CEP135: variants seen among roughly 807,000 people sequenced by gnomAD.
CEP135 encodes centrosomal protein of 135 kDa.
CEP135 carries 142 observed loss-of-function variants against 157.3 expected under a neutral mutation model. That is an observed-to-expected ratio of 0.90 (90% CI 0.79 to 1.04). The LOEUF is 1.04. Ranked by LOEUF, CEP135 falls within the 50% of genes least tolerant of loss-of-function variation. CEP135 has a pLI of 0.00. For synonymous variants in CEP135, 396 were observed against 439.8 expected (o/e 0.90, Z 1.25); for missense variants, 1,317 against 1,309.2 (o/e 1.01, Z -0.09).
intron 22 of CEP135, 109 bp downstream of exon 22, chr4:56,017,966 T>G (rs958196884): frequency 2.0e-6 from 2 of 978,112 alleles, no homozygotes; most frequent in African/African-American, 3.3e-5. Context: ...TTAGAGTAGT[T>G]ACTTTTTTTT....
intron 15 of CEP135, among the ~76,000 whole-genome samples, chr4:55,997,567 G>C (rs1033861710): frequency 6.6e-6 from 1 of 152,202 alleles, no homozygotes; most frequent in East Asian, 1.9e-4. Context: ...CTTTCACGTA[G>C]AGGAGGTTGG....
intron 25 of CEP135, among the ~76,000 whole-genome samples, chr4:56,028,370 A>G (rs1731223437): frequency 1.3e-5 from 2 of 152,186 alleles, no homozygotes; most frequent in Admixed American, 1.3e-4. Context: ...CCACATCGTC[A>G]CCAACACTTG....
chr4:56,013,053 A>G (rs577798220), intron 21 of CEP135, among the ~76,000 whole-genome samples: 2 of 152,206 alleles, frequency 1.3e-5, no homozygotes, highest in East Asian at 3.9e-4. Context: ...CCTTGCCAAC[A>G]CTTGTAATTT....
intron 17 of CEP135, among the ~76,000 whole-genome samples, chr4:56,002,472 A>T (rs1023473099): frequency 6.6e-6 from 1 of 152,114 alleles, no homozygotes; most frequent in Non-Finnish European, 1.5e-5. Flanking sequence ...ATGCTTTTTC[A>T]GCATCTATTG....
intron 21 of CEP135, among the ~76,000 whole-genome samples, chr4:56,016,251 C>G (rs914150178): frequency 3.9e-5 from 6 of 152,190 alleles, no homozygotes; most frequent in Admixed American, 3.9e-4. Context: ...CTGCTAACAC[C>G]CACATTTTGG....
At chr4:56,012,275 C>G (rs143294390) in intron 21 of CEP135, among the ~76,000 whole-genome samples, 7 of 152,098 alleles carry the variant, frequency 4.6e-5, no homozygotes, top group African/African-American at 1.4e-4. Context: ...AGGCTGCTCT[C>G]GAACTCCTGA....
chr4:55,980,380 A>C, intron 12 of CEP135, 85 bp downstream of exon 12: 1 of 776,786 alleles, frequency 1.3e-6, no homozygotes, highest in Non-Finnish European at 2.0e-6. Flanking sequence ...TCACATTACT[A>C]TAATATATGG....
At chr4:56,024,866 G>C (rs551606312) in intron 25 of CEP135, among the ~76,000 whole-genome samples, 174 of 151,090 alleles carry the variant, frequency 1.2e-3, no homozygotes, top group Admixed American at 2.1e-3. Context: ...GCCAGACACA[G>C]TGGCCCACAC....
chr4:56,006,358 C>T (rs1439527028), intron 17 of CEP135, among the ~76,000 whole-genome samples: 1 of 152,144 alleles, frequency 6.6e-6, no homozygotes, highest in East Asian at 1.9e-4. Flanking sequence ...GATCCATTCT[C>T]CTGTTGAGAT....
rs551932369 is a variant in CEP135 at position 56,020,712 on chromosome 4, T to C, written c.3252T>C (p.Ala1084=). 1 of 1,613,772 alleles carries C rather than the reference T, an allele frequency of 6.2e-7. No homozygotes were observed. The highest frequency in any genetic ancestry group is 1.1e-5 in the South Asian group (1 of 91,040). Residue 1084 remains alanine (A), a synonymous_variant, in exon 24 of 26, where the codon GCT becomes GCC. Coordinates refer to ENST00000257287, the MANE Select transcript of CEP135 (RefSeq NM_025009.5). ...SQSRENTMLR[A]KVAQLQTDYD... is the part of the protein sequence containing the mutation. Reference sequence around the variant, plus strand: ...GCCGGGAAAACACCATGCTTCGAGCTAAAGTGGCACAGTTACAAACAGATT... The same window carrying C: ...GCCGGGAAAACACCATGCTTCGAGCCAAAGTGGCACAGTTACAAACAGATT...
Position 55,999,627 on chromosome 4 carries a change from A to G in CEP135, c.2262A>G (p.Gln754=), listed in dbSNP as rs145329150. ...AGACAGAAAAGATTGCAAATTTGCA[A>G]GAAAACCTAGCTAATAAAGTATGTG... is the stretch of plus-strand genomic sequence containing the variant. ...DEKTEKIANL[Q]ENLANKEKAV... Residue 754 remains glutamine (Q), a synonymous_variant, in exon 17 of 26, where the codon CAA becomes CAG. Transcript: ENST00000257287. 1 of 1,592,330 alleles carries G rather than the reference A, an allele frequency of 6.3e-7. No homozygotes were observed. Among genetic ancestry groups the G allele is most frequent in the African/African-American group, 1.4e-5 (1 of 73,318 alleles).
chr4:55,955,014 G>A (rs1430329987), intron 4 of CEP135, among the ~76,000 whole-genome samples: 3 of 152,068 alleles, frequency 2.0e-5, no homozygotes, highest in Non-Finnish European at 4.4e-5. Context: ...CTGGGAGGCG[G>A]AGGTTGCAGT....
intron 10 of CEP135, among the ~76,000 whole-genome samples, chr4:55,974,269 A>G (rs1435087147): frequency 2.6e-5 from 4 of 152,230 alleles, no homozygotes; most frequent in African/African-American, 7.2e-5. Context: ...GTATTTGATT[A>G]CTTTTGACTC....
At chr4:56,018,692 C>G (rs28376464) in intron 22 of CEP135, among the ~76,000 whole-genome samples, 1 of 151,732 alleles carries the variant, frequency 6.6e-6, no homozygotes, top group Non-Finnish European at 1.5e-5. Context: ...CCCAGGATGT[C>G]GAGGCCGCAG....
Position 56,019,358 on chromosome 4 carries a change from G to A in CEP135, c.3018G>A (p.Val1006=). 6.2e-7 allele frequency: 1 copy of A among 1,608,652 alleles called. No homozygotes were observed. Residue 1006 remains valine (V), a synonymous_variant, in exon 23 of 26, where the codon GTG becomes GTA. Coordinates refer to ENST00000257287, the MANE Select transcript of CEP135 (RefSeq NM_025009.5). ...TTACTTTGTTTTTCACGTAGGTTGT[G>A]GTGGAATTAGAAAATGTAAAGTCAG... ...NSKNLEFERV[V]VELENVKSES...
At chr4:55,999,247 C>T (rs941123645) in intron 15 of CEP135, 55 bp from the exon 16 acceptor site, 72 of 1,302,438 alleles carry the variant, frequency 5.5e-5, no homozygotes, top group Admixed American at 1.1e-4. Flanking sequence ...ATTTTTTAAA[C>T]GTATTTCTAT....
chr4:56,019,621 G>C (rs1730903609), intron 23 of CEP135, 66 bp downstream of exon 23: 1 of 1,316,368 alleles, frequency 7.6e-7, no homozygotes, highest in Non-Finnish European at 1.1e-6. Context: ...TAATTTTTTT[G>C]AAGTGGAGGA....
intron 17 of CEP135, among the ~76,000 whole-genome samples, chr4:56,007,811 C>T (rs560370315): frequency 3.9e-5 from 6 of 152,112 alleles, no homozygotes; most frequent in African/African-American, 7.2e-5. Flanking sequence ...AGGTTTTTTA[C>T]GTCTCTGTGG....
chr4:56,026,617 G>A (rs962265735), intron 25 of CEP135, among the ~76,000 whole-genome samples: 2 of 152,098 alleles, frequency 1.3e-5, no homozygotes, highest in African/African-American at 4.8e-5. Flanking sequence ...TTCCAGTTTG[G>A]GCTATTACAA....
Sources: gnomAD v4.1 joint callset for allele counts (sites outside exome capture counted in the v4.1 genomes callset) on GRCh38, gnomAD v4.1.1 for gene constraint, MANE v1.5 for transcripts, NCBI Gene and HGNC (gene_info 2026-07-23, HGNC 2026-07-21) for gene names.